Variants in FBXO7 observed in about 807,000 individuals in gnomAD.
The protein encoded by FBXO7 is F-box only protein 7.
In FBXO7, 31 loss-of-function variants were observed where a neutral mutation model predicts 50.2. The ratio of observed to expected loss-of-function variants is 0.62; its 90% CI spans 0.46 to 0.83. FBXO7 has a LOEUF of 0.83. Ranked by LOEUF, FBXO7 falls within the 40% of genes least tolerant of loss-of-function variation. The pLI is 0.00. For missense variants in FBXO7, 667 were observed against 646.6 expected (o/e 1.03, Z -0.34); for synonymous variants, 256 against 253.1 (o/e 1.01, Z -0.11).
intron 4 of FBXO7, among the ~76,000 whole-genome samples, chr22:32,486,666 A>G (rs76731210): frequency 0.012 from 1,809 of 152,236 alleles, 44 homozygotes; most frequent in African/African-American, 0.042. Context: ...TAGTCATAAG[A>G]TTCTTTGAAA....
At chr22:32,496,191 C>T (rs995373352) in intron 8 of FBXO7, among the ~76,000 whole-genome samples, 1 of 152,126 alleles carries the variant, frequency 6.6e-6, no homozygotes, top group Non-Finnish European at 1.5e-5. Flanking sequence ...AACAATTATG[C>T]TAAATCAGGC....
chr22:32,479,643 C>T (rs2057452033), intron 2 of FBXO7, among the ~76,000 whole-genome samples: 2 of 152,260 alleles, frequency 1.3e-5, no homozygotes, highest in Non-Finnish European at 2.9e-5. Flanking sequence ...GATCTGCCCT[C>T]CTCGGCCTCC....
chr22:32,498,271 C>T lies in FBXO7; in HGVS notation c.1310C>T (p.Ser437Phe). The T allele has an allele frequency of 6.2e-7, 1 of 1,614,210 alleles. No individual in the cohort carries two copies. The highest frequency in any genetic ancestry group is 1.3e-5 in the African/African-American group (1 of 75,050). The part of the protein sequence containing the change: ...NPLHPRPFPS[S>F]RLPPGIIGGE... ...TTGCACCCTAGGCCATTTCCTAGCTCCCGCCTTCCTCCAGGAATTATCGGG... is the reference window on the plus strand; with the variant it reads ...TTGCACCCTAGGCCATTTCCTAGCTTCCGCCTTCCTCCAGGAATTATCGGG... The change falls in exon 9 of 9, where the codon TCC becomes TTC. Residue 437 changes from serine (S) to phenylalanine (F), a missense_variant. Transcript: ENST00000266087.
intron 8 of FBXO7, among the ~76,000 whole-genome samples, chr22:32,497,329 C>A (rs1258724990): frequency 6.6e-6 from 1 of 152,064 alleles, no homozygotes; most frequent in African/African-American, 2.4e-5. Flanking sequence ...CCCCCTAAGT[C>A]CCCAAAGTCC....
At chr22:32,490,424 G>A (rs1601513604) in intron 5 of FBXO7, 1 of 152,366 alleles carries the variant, frequency 6.6e-6, no homozygotes, top group Middle Eastern at 3.4e-3. Context: ...GGTCTGTGGG[G>A]GCCTGAGATT....
intron 5 of FBXO7, chr22:32,488,126 C>T (rs1363857862): frequency 6.6e-5 from 20 of 302,394 alleles, no homozygotes; most frequent in Non-Finnish European, 1.3e-5. Context: ...AGTTTCTGTA[C>T]TAATCTTTGG....
chr22:32,478,938 G>T (rs758842586), intron 1 of FBXO7, 43 bp from the exon 2 acceptor site: 5 of 1,564,158 alleles, frequency 3.2e-6, no homozygotes, highest in Non-Finnish European at 4.4e-6. Flanking sequence ...GAAGGTATTA[G>T]AAGTAGGTAG....
chr22:32,484,233 TAA>T, intron 3 of FBXO7, 109 bp downstream of exon 3: 3 of 888,938 alleles, frequency 3.4e-6, no homozygotes, highest in Non-Finnish European at 5.6e-6. Context: ...GACAAAAATA[TAA>T]AGCACTGTGC....
Position 32,479,418 on chromosome 22 carries a change from A to C in FBXO7, c.417+143A>C, listed in dbSNP as rs530728214. The C allele has an allele frequency of 4.7e-4, 274 of 586,048 alleles. 7 individuals carry two copies. The South Asian group carries it at 5.6e-3, about 12-fold the overall frequency. 36.3% of individuals were successfully genotyped at this position (586,048 alleles called of 1,614,324 possible). A position where few individuals can be genotyped will look rare whatever the true frequency, so the allele number is the denominator to read the frequency against. ...ATTTTTTTCTTTTTTTTTTTTTTTG[A>C]GACAGAGTCTCACTCTGTCACCAGG... On this transcript the variant is annotated intron_variant, in intron 2 of 8. Transcript: ENST00000266087.
Position 32,486,819 on chromosome 22 carries a change from G to A in FBXO7, c.788-926G>A, listed in dbSNP as rs145981706. ...ATTAGCAAATGTAGCTTTTACTTTG[G>A]CATTCTTGTACACAGAGTGTCAACA... On this transcript the variant is annotated intron_variant, in intron 4 of 8. Coordinates refer to ENST00000266087, the MANE Select transcript of FBXO7 (RefSeq NM_012179.4). 3.6e-3 allele frequency among the ~76,000 whole-genome samples: 547 copies of A among 152,196 alleles called. 2 individuals are homozygous for A. Among genetic ancestry groups the A allele is most frequent in the African/African-American group, 0.012 (488 of 41,530 alleles).
chr22:32,475,123 A>G lies in FBXO7; in HGVS notation c.121A>G (p.Ser41Gly). The G allele has an allele frequency of 1.4e-6, 2 of 1,465,978 alleles. No homozygotes were observed. The highest frequency in any genetic ancestry group is 9.1e-7 in the Non-Finnish European group (1 of 1,094,974). 90.8% of individuals were successfully genotyped at this position (1,465,978 alleles called of 1,614,324 possible). A position where few individuals can be genotyped will look rare whatever the true frequency, so the allele number is the denominator to read the frequency against. The change falls in exon 1 of 9, where the codon AGT becomes GGT. Residue 41 changes from serine to glycine, a missense_variant and splice_region_variant. By Grantham distance (56) the Ser-to-Gly change is moderately conservative. Transcript: ENST00000266087. ...RQSLLCTWGY[S>G]SNTRFTITLN... ...GTCCCTGCTGTGCACCTGGGGGTAC[A>G]GGTACGCTGGGGCCGGGGCTGGGCG...
chr22:32,498,759 C>A lies in FBXO7; in HGVS notation c.*229C>A, dbSNP rs373540073. On this transcript the variant is annotated 3_prime_UTR_variant, in exon 9 of 9. Coordinates refer to ENST00000266087, the MANE Select transcript of FBXO7 (RefSeq NM_012179.4). ...ATAGTTGGCTGCCAATCTCCCTGCT[C>A]TTGGTTCTCCTCTAGATTGAAGTTT... The A allele has an allele frequency of 1.0e-4, 59 of 583,402 alleles. No individual in the cohort carries two copies. The South Asian group carries it at 1.2e-3, about 12-fold the overall frequency. The allele number at this position is 583,402 out of a possible 1,614,324, so 36.1% of individuals were successfully genotyped here. A position where few individuals can be genotyped will look rare whatever the true frequency, so the allele number is the denominator to read the frequency against.
intron 5 of FBXO7, chr22:32,489,703 G>C (rs1302736800): frequency 1.3e-5 from 2 of 152,136 alleles, no homozygotes; most frequent in Non-Finnish European, 2.9e-5. Flanking sequence ...AAGGGAGGAG[G>C]AACATTAAAT....
chr22:32,475,365 G>A, intron 1 of FBXO7: 1 of 1,610,474 alleles, frequency 6.2e-7, no homozygotes, highest in African/African-American at 1.3e-5. Context: ...GGAGAACATG[G>A]CCCGGCCTCC....
At chr22:32,485,579 G>T (rs910507671) in intron 4 of FBXO7, among the ~76,000 whole-genome samples, 8 of 152,070 alleles carry the variant, frequency 5.3e-5, no homozygotes, top group African/African-American at 7.2e-5. Flanking sequence ...CCTGTGGATG[G>T]CTTTATTTTT....
intron 1 of FBXO7, among the ~76,000 whole-genome samples, chr22:32,477,316 A>ATAAT (rs1356447499): frequency 6.6e-6 from 1 of 152,270 alleles, no homozygotes; most frequent in Non-Finnish European, 1.5e-5. Context: ...AGTAAACAAT[A>ATAAT]TAATTTTTAA....
intron 2 of FBXO7, among the ~76,000 whole-genome samples, chr22:32,479,832 T>A (rs948639697): frequency 6.6e-6 from 1 of 152,260 alleles, no homozygotes; most frequent in African/African-American, 2.4e-5. Context: ...CCTTGACTTC[T>A]ATTATTGTTC....
chr22:32,477,941 A>C (rs2057439421), intron 1 of FBXO7: 1 of 152,360 alleles, frequency 6.6e-6, no homozygotes, highest in African/African-American at 2.4e-5. Context: ...AGTAAATACG[A>C]TGTTTTCAAG....
intron 1 of FBXO7, chr22:32,475,370 G>A (rs1366154437): frequency 6.2e-7 from 1 of 1,610,400 alleles, no homozygotes; most frequent in East Asian, 2.2e-5. Flanking sequence ...ACATGGCCCG[G>A]CCTCCCGGGG....
Sources: gnomAD v4.1 joint callset for allele counts (sites outside exome capture counted in the v4.1 genomes callset) on GRCh38, gnomAD v4.1.1 for gene constraint, MANE v1.5 for transcripts, NCBI Gene and HGNC (gene_info 2026-07-23, HGNC 2026-07-21) for gene names.